Variants in CAMK2G observed in about 807,000 individuals in gnomAD.
CAMK2G encodes the protein calcium/calmodulin dependent protein kinase II gamma.
Under a neutral mutation model 88.7 loss-of-function variants are expected in CAMK2G, and 23 were observed. The observed-to-expected ratio is 0.26, with a 90% confidence interval of 0.19 to 0.37. The LOEUF (loss-of-function observed/expected upper bound fraction) is 0.37. Ranked by LOEUF, CAMK2G falls within the 10% of genes least tolerant of loss-of-function variation. The pLI is 1.00. For synonymous variants in CAMK2G, 263 were observed against 294.8 expected, an observed-to-expected ratio of 0.89 and a Z score of 1.11; for missense variants, 476 against 780.8, an observed-to-expected ratio of 0.61 and a Z score of 4.65.
At chr10:73,852,408 A>G in intron 4 of CAMK2G, 89 bp from the exon 5 acceptor site, 1 of 1,056,086 alleles carries the variant, frequency 9.5e-7, no homozygotes, top group Non-Finnish European at 1.5e-6. Flanking sequence ...CACCCTGTAG[A>G]ATGGCTTTCA....
intron 3 of CAMK2G, among the ~76,000 whole-genome samples, chr10:73,857,490 T>C (rs1342578496): frequency 6.6e-6 from 1 of 152,190 alleles, no homozygotes; most frequent in African/African-American, 2.4e-5. Context: ...TTGACAGGCA[T>C]GCGGACCAGT....
chr10:73,839,647 G>A lies in CAMK2G; in HGVS notation c.947-46C>T, dbSNP rs376075109. 1.7e-4 allele frequency: 196 copies of A among 1,140,882 alleles called. No individual in the cohort carries two copies. The highest frequency in any genetic ancestry group is 1.6e-3 in the African/African-American group (98 of 62,610). The allele number at this position is 1,140,882 out of a possible 1,614,324, so 70.7% of individuals were successfully genotyped here. The stretch of plus-strand genomic sequence containing the variant: ...AGTGCACAGAGCCCCGCAAAGCCAC[G>A]GGGCCGTCAGCAGCGAGCATGCCCC... On this transcript the variant is annotated intron_variant, in intron 12 of 22. Coordinates refer to ENST00000423381, the MANE Select transcript of CAMK2G (RefSeq NM_001367534.1). This position sits in a 1 kb window ranked among gnomAD's most constrained non-coding sequence, Gnocchi z 4.2.
At chr10:73,849,369 G>A (rs1208376685) in intron 5 of CAMK2G, 36 bp from the exon 6 acceptor site, 3 of 1,497,352 alleles carry the variant, frequency 2.0e-6, no homozygotes, top group Non-Finnish European at 1.9e-6. Context: ...GTTAGCGCAG[G>A]GTTAAACCAC....
At position 73,813,737 on chromosome 10, in the gene CAMK2G, T is replaced by C. The variant is rs1007156540; in HGVS notation, c.*781A>G. On this transcript the variant is annotated 3_prime_UTR_variant, in exon 23 of 23. Coordinates refer to ENST00000423381, the MANE Select transcript of CAMK2G (RefSeq NM_001367534.1). ...TAAGGCCTCAATATTAGGGCCCACA[T>C]GCATTGTGCATCCTATAGAAATGGA... 6.5e-6 allele frequency: 1 copy of C among 152,728 alleles called. No individual in the cohort carries two copies. The highest frequency in any genetic ancestry group is 2.4e-5 in the African/African-American group (1 of 41,468). 9.5% of individuals were successfully genotyped at this position (152,728 alleles called of 1,614,324 possible).
rs529931351 is a variant in CAMK2G at position 73,868,366 on chromosome 10, A to G, written c.160+4623T>C. On this transcript the variant is annotated intron_variant, in intron 2 of 22. Transcript: ENST00000423381. ...GCACCCCAAGTCACTCTAGGAAGAC[A>G]GGTGGGAGGGGAGGGGGACAGGCCA... Among the ~76,000 whole-genome samples, 246 of 152,192 alleles carry G rather than the reference A, an allele frequency of 1.6e-3. 2 individuals carry two copies. The highest frequency in any genetic ancestry group is 2.9e-3 in the Non-Finnish European group (194 of 68,022).
intron 2 of CAMK2G, among the ~76,000 whole-genome samples, chr10:73,870,158 C>A (rs1392981325): frequency 6.6e-6 from 1 of 152,152 alleles, no homozygotes; most frequent in Non-Finnish European, 1.5e-5. Flanking sequence ...GCTCTTAAAT[C>A]TTAAAATAAC....
intron 6 of CAMK2G, 67 bp downstream of exon 6, chr10:73,849,194 C>T: frequency 1.3e-6 from 2 of 1,562,188 alleles, no homozygotes; most frequent in South Asian, 1.1e-5. Flanking sequence ...TACGCAGTAC[C>T]ACTATCTGGC....
intron 4 of CAMK2G, 56 bp from the exon 5 acceptor site, chr10:73,852,375 C>T (rs2094694086): frequency 7.0e-7 from 1 of 1,428,846 alleles, no homozygotes; most frequent in Non-Finnish European, 9.9e-7. Flanking sequence ...TGTCCAACCC[C>T]AATGTCCAAG....
At chr10:73,856,497 C>T (rs936758039) in intron 3 of CAMK2G, among the ~76,000 whole-genome samples, 1 of 152,166 alleles carries the variant, frequency 6.6e-6, no homozygotes, top group Non-Finnish European at 1.5e-5. Flanking sequence ...GAAGAGGAGC[C>T]GGCCCTGCCA....
intron 2 of CAMK2G, among the ~76,000 whole-genome samples, chr10:73,867,636 A>C (rs897720661): frequency 1.2e-4 from 18 of 152,026 alleles, no homozygotes; most frequent in Admixed American, 1.0e-3. Flanking sequence ...GTTGGGGAGG[A>C]GTGGCTGGAA....
chr10:73,817,024 A>T lies in CAMK2G; in HGVS notation c.1533T>A (p.Asn511Lys), dbSNP rs1565150537. 1 of 1,614,152 alleles carries T rather than the reference A, an allele frequency of 6.2e-7. No individual in the cohort carries two copies. The highest frequency in any genetic ancestry group is 2.2e-5 in the East Asian group (1 of 44,886). ...TATCAGCAGCACGAACCCACTCACG[A>T]TTCTCAAAGTAAAACTTATGGAAAT... ...GMDFHKFYFE[N>K]LLSKNSKPIH... Residue 511 changes from asparagine to lysine, a missense_variant and splice_region_variant, in exon 21 of 23, where the codon AAT becomes AAA. Asn to Lys is a moderately conservative substitution (Grantham distance 94). Around this residue, in one of 3 missense-constraint regions of CAMK2G, gnomAD observed 278 missense variants for 366.5 expected, o/e 0.76. Transcript: ENST00000423381.
chr10:73,820,464 TTATATATATATA>T (rs71483976), intron 18 of CAMK2G, among the ~76,000 whole-genome samples: 6 of 74,078 alleles, frequency 8.1e-5, no homozygotes, highest in Admixed American at 1.7e-4. Context: ...GGTTTTATAT[TTATATATATATA>T]TATATATATA....
intron 18 of CAMK2G, among the ~76,000 whole-genome samples, chr10:73,820,488 A>ATTTT (rs1285081250): frequency 2.4e-4 from 11 of 46,530 alleles, no homozygotes; most frequent in Non-Finnish European, 3.8e-4. Context: ...ATATATATAT[A>ATTTT]TATATTTTTT....
At chr10:73,862,297 A>T (rs77655943) in intron 2 of CAMK2G, among the ~76,000 whole-genome samples, 39 of 75,930 alleles carry the variant, frequency 5.1e-4, no homozygotes, top group African/African-American at 8.0e-4. Context: ...CTCCTACTCC[A>T]CCCCCCCCCC....
intron 5 of CAMK2G, among the ~76,000 whole-genome samples, chr10:73,849,882 C>T (rs944325094): frequency 6.6e-6 from 1 of 152,188 alleles, no homozygotes; most frequent in Non-Finnish European, 1.5e-5. Context: ...TCCAGTAAGG[C>T]AGCTAAAACA....
chr10:73,816,805 G>C (rs769707385), intron 21 of CAMK2G: 1 of 1,519,658 alleles, frequency 6.6e-7, no homozygotes, highest in Admixed American at 2.0e-5. Context: ...CCACAAAGCA[G>C]CTGCAGAATG....
intron 2 of CAMK2G, among the ~76,000 whole-genome samples, chr10:73,869,127 G>A (rs73276635): frequency 0.027 from 4,184 of 152,318 alleles, 191 homozygotes; most frequent in African/African-American, 0.095. Context: ...CTTAAAGAGT[G>A]GCTCATGCCT....
intron 14 of CAMK2G, among the ~76,000 whole-genome samples, chr10:73,834,550 T>C (rs1258254390): frequency 2.6e-5 from 4 of 152,218 alleles, no homozygotes; most frequent in Non-Finnish European, 5.9e-5. Context: ...ACATTTCTCT[T>C]TTCCCCCTAC....
chr10:73,817,218 G>A, intron 20 of CAMK2G, 101 bp from the exon 21 acceptor site: 1 of 1,478,190 alleles, frequency 6.8e-7, no homozygotes. Flanking sequence ...GGCTACCTGT[G>A]GCCATGCCAG....
Sources: allele counts gnomAD v4.1 joint callset (sites outside exome capture counted in the v4.1 genomes callset), GRCh38; gene constraint gnomAD v4.1.1; regional missense constraint gnomAD v4.1.1; non-coding constraint Gnocchi (gnomAD v3.1); transcripts MANE v1.5; gene names NCBI Gene and HGNC (gene_info 2026-07-23, HGNC 2026-07-21).